INTS8: variants seen among roughly 807,000 people sequenced by gnomAD.
The protein encoded by INTS8 is protein kaonashi-1.
Under a neutral mutation model 138.9 loss-of-function variants are expected in INTS8, and 47 were observed. The observed-to-expected ratio is 0.34, with a 90% CI of 0.27 to 0.43. The LOEUF (loss-of-function observed/expected upper bound fraction) is 0.43, where lower values mean the gene tolerates loss of function less well. Among genes scored for constraint, INTS8 ranks in the 20% least tolerant of loss-of-function variants. INTS8 has a pLI of 1.00. For missense variants in INTS8, 996 were observed against 1,173.0 expected (o/e 0.85, Z 2.20); for synonymous variants, 392 against 400.9 (o/e 0.98, Z 0.27).
chr8:94,858,695 G>A (rs1408012174), intron 15 of INTS8, among the ~76,000 whole-genome samples: 3 of 152,174 alleles, frequency 2.0e-5, no homozygotes, highest in African/African-American at 7.2e-5. Context: ...GAGAGGTTGA[G>A]GAATTTGCCC....
chr8:94,873,169 G>T (rs139494118), intron 21 of INTS8, among the ~76,000 whole-genome samples: 4 of 152,100 alleles, frequency 2.6e-5, no homozygotes, highest in Admixed American at 2.6e-4. Flanking sequence ...TTTGTTTCTC[G>T]TTTGGACATT....
intron 9 of INTS8, 144 bp downstream of exon 9, chr8:94,841,735 G>A: frequency 3.6e-6 from 2 of 554,564 alleles, no homozygotes. Flanking sequence ...ACATAGGGTG[G>A]AGGAACACTC....
chr8:94,859,827 C>T (rs1454704065), intron 16 of INTS8, 195 bp downstream of exon 16: 1 of 511,468 alleles, frequency 2.0e-6, no homozygotes, highest in Non-Finnish European at 3.5e-6. Context: ...TTTCTAATGC[C>T]CTGTAATTCA....
chr8:94,874,586 T>C lies in INTS8; in HGVS notation c.2672T>C (p.Leu891Pro). 1.3e-6 allele frequency: 2 copies of C among 1,582,284 alleles called. No individual in the cohort carries two copies. Among genetic ancestry groups the C allele is most frequent in the East Asian group, 2.2e-5 (1 of 44,628 alleles). ...IKRMIKCCSL[L>P]NCHTQVAILC... is the part of the protein sequence containing the mutation. ...CGAATGATAAAATGTTGTTCTTTGC[T>C]GAATTGCCACACACAGGTTAGTTTA... The change falls in exon 23 of 27, where the codon CTG becomes CCG. Residue 891 changes from leucine (L) to proline (P), a missense_variant. Leu to Pro is a moderately conservative substitution (Grantham distance 98). Coordinates refer to ENST00000523731, the MANE Select transcript of INTS8 (RefSeq NM_017864.4).
At chr8:94,846,351 C>T (rs1023806358) in intron 10 of INTS8, among the ~76,000 whole-genome samples, 6 of 152,052 alleles carry the variant, frequency 3.9e-5, no homozygotes, top group African/African-American at 9.7e-5. Context: ...CTCTGCTTGG[C>T]GCAACCTCTG....
chr8:94,873,304 A>T lies in INTS8; in HGVS notation c.2534-70A>T, dbSNP rs1426947885. Reference sequence around the variant, plus strand: ...TTGTTAACTTATGAAGTTACACCTGACTCTTTACAAAGGAATCCCTGTTTT... The same window carrying T: ...TTGTTAACTTATGAAGTTACACCTGTCTCTTTACAAAGGAATCCCTGTTTT... On this transcript the variant is annotated intron_variant, in intron 21 of 26. Transcript: ENST00000523731. The T allele has an allele frequency of 8.0e-6, 8 of 994,614 alleles. No individual in the cohort carries two copies. The East Asian group carries it at 1.7e-4, about 21-fold the overall frequency. 61.6% of individuals were successfully genotyped at this position (994,614 alleles called of 1,614,324 possible). A position where few individuals can be genotyped will look rare whatever the true frequency, so the allele number is the denominator to read the frequency against.
chr8:94,841,625 G>T, intron 9 of INTS8, 34 bp downstream of exon 9: 1 of 1,089,854 alleles, frequency 9.2e-7, no homozygotes, highest in South Asian at 1.4e-5. Flanking sequence ...CTTGATTTTT[G>T]AATAAAACAG....
intron 9 of INTS8, 52 bp from the exon 10 acceptor site, chr8:94,842,295 C>T (rs1563649671): frequency 7.9e-7 from 1 of 1,272,388 alleles, no homozygotes; most frequent in East Asian, 2.4e-5. Context: ...TAATATACAC[C>T]TTTCTTTTGT....
At chr8:94,880,001 G>A (rs1816739382) in intron 26 of INTS8, 117 bp from the exon 27 acceptor site, 2 of 690,326 alleles carry the variant, frequency 2.9e-6, no homozygotes, top group Non-Finnish European at 5.1e-6. Context: ...CAGTTAAGAG[G>A]TTCAGTTAAT....
rs575873434 is a variant in INTS8, at chr8:94,832,273, T to A, written c.753+99T>A. ...TAATTAGAATTTATTTCTGCCTTTG[T>A]CTCTTAAGATGCTATTAAAACTGCA... is the stretch of plus-strand genomic sequence containing the variant. On this transcript the variant is annotated intron_variant, in intron 6 of 26. Coordinates refer to ENST00000523731, the MANE Select transcript of INTS8 (RefSeq NM_017864.4). 1.1e-4 allele frequency: 94 copies of A among 824,316 alleles called. No individual in the cohort carries two copies. In the African/African-American group the frequency reaches 1.6e-3, roughly 14 times the overall value. 51.1% of individuals were successfully genotyped at this position (824,316 alleles called of 1,614,324 possible). A position where few individuals can be genotyped will look rare whatever the true frequency, so the allele number is the denominator to read the frequency against.
At position 94,876,353 on chromosome 8, in the gene INTS8, T is replaced by C. The variant is rs1816563878; in HGVS notation, c.2827+68T>C. ...TTATAAATTAAAGGAATATTTAATATTGTATATTTTCCAAATCAAAACTGA... is the reference window on the plus strand; with the variant it reads ...TTATAAATTAAAGGAATATTTAATACTGTATATTTTCCAAATCAAAACTGA... On this transcript the variant is annotated intron_variant, in intron 25 of 26. Transcript: ENST00000523731. The C allele has an allele frequency of 1.7e-5, 25 of 1,443,138 alleles. No homozygotes were observed. The South Asian group carries it at 2.7e-4, about 15-fold the overall frequency. The allele number at this position is 1,443,138 out of a possible 1,614,324, so 89.4% of individuals were successfully genotyped here.
At position 94,853,931 on chromosome 8, in the gene INTS8, T is replaced by C. The variant is rs1465489838; in HGVS notation, c.1752+16T>C. Reference sequence around the variant, plus strand: ...TACTGTTAAGGTGAGTAAAAGTGTGTATCAAACACTTGTTAAGAATATGCT... The same window carrying C: ...TACTGTTAAGGTGAGTAAAAGTGTGCATCAAACACTTGTTAAGAATATGCT... On this transcript the variant is annotated intron_variant, in intron 14 of 26. Coordinates refer to ENST00000523731, the MANE Select transcript of INTS8 (RefSeq NM_017864.4). The C allele has an allele frequency of 7.2e-7, 1 of 1,392,784 alleles. No homozygotes were observed. Among genetic ancestry groups the C allele is most frequent in the Non-Finnish European group, 1.0e-6 (1 of 978,730 alleles). 86.3% of individuals were successfully genotyped at this position (1,392,784 alleles called of 1,614,324 possible). A position where few individuals can be genotyped will look rare whatever the true frequency, so the allele number is the denominator to read the frequency against.
intron 1 of INTS8, 35 bp downstream of exon 1, chr8:94,823,596 C>A: frequency 6.8e-7 from 1 of 1,472,014 alleles, no homozygotes; most frequent in Non-Finnish European, 9.2e-7. Context: ...GAGCGGGACC[C>A]GGCCACCGGC....
intron 16 of INTS8, among the ~76,000 whole-genome samples, chr8:94,862,874 C>T (rs1563664826): frequency 6.6e-6 from 1 of 151,936 alleles, no homozygotes; most frequent in Admixed American, 6.6e-5. Context: ...CACGCACACA[C>T]GTGTAGGAAA....
chr8:94,877,802 T>A (rs1816616637), intron 26 of INTS8, among the ~76,000 whole-genome samples: 1 of 152,210 alleles, frequency 6.6e-6, no homozygotes, highest in African/African-American at 2.4e-5. Context: ...TAACCTATCC[T>A]TCTCTTACTT....
At chr8:94,835,603 T>C (rs961111499) in intron 6 of INTS8, among the ~76,000 whole-genome samples, 6 of 142,094 alleles carry the variant, frequency 4.2e-5, no homozygotes, top group African/African-American at 1.6e-4. Context: ...CAGAGCCTGC[T>C]TCTTTTTTTT....
Position 94,871,936 on chromosome 8 carries a change from C to G in INTS8, c.2467C>G (p.Arg823Gly), listed in dbSNP as rs761505491. 9.9e-6 allele frequency: 16 copies of G among 1,609,768 alleles called. No homozygotes were observed. Among genetic ancestry groups the G allele is most frequent in the Admixed American group, 5.0e-5 (3 of 59,740 alleles). ...AVAITVKELV[R>G]YTLSINPNNH... ...GGCAATCACAGTGAAAGAGCTAGTT[C>G]GATATACACTCAGTATAAATCCAAA... The change falls in exon 21 of 27, where the codon CGA (arginine) becomes GGA (glycine). Residue 823 changes from arginine (R) to glycine (G), a missense_variant. Physicochemically the swap from Arg to Gly is moderately radical, Grantham distance 125 (BLOSUM62 -2). Transcript: ENST00000523731.
At chr8:94,852,741 C>CA (rs1374985403) in intron 13 of INTS8, among the ~76,000 whole-genome samples, 6 of 152,034 alleles carry the variant, frequency 3.9e-5, no homozygotes, top group African/African-American at 1.4e-4. Context: ...GGCATGCCCC[C>CA]ACCATGCCTG....
At chr8:94,840,336 T>C (rs969053605) in intron 8 of INTS8, among the ~76,000 whole-genome samples, 2 of 152,198 alleles carry the variant, frequency 1.3e-5, no homozygotes, top group Non-Finnish European at 2.9e-5. Context: ...AGTACTTTTC[T>C]GGTAGTGGCT....
Sources: allele counts gnomAD v4.1 joint callset (sites outside exome capture counted in the v4.1 genomes callset), GRCh38; gene constraint gnomAD v4.1.1; transcripts MANE v1.5; gene names NCBI Gene and HGNC (gene_info 2026-07-23, HGNC 2026-07-21).